Variants in ARHGAP6 observed in about 807,000 individuals in gnomAD.
ARHGAP6 encodes the protein Rho GTPase activating protein 6.
A neutral mutation model predicts 55.7 loss-of-function variants in ARHGAP6; 16 were observed. The ratio of observed to expected loss-of-function variants is 0.29; its 90% confidence interval spans 0.19 to 0.44. The LOEUF (loss-of-function observed/expected upper bound fraction) is 0.44, where lower values mean the gene tolerates loss of function less well. Ranked by LOEUF, ARHGAP6 falls within the 20% of genes least tolerant of loss-of-function variation. The probability of loss-of-function intolerance (pLI) is 1.00; values close to 1 mark genes in which losing one functional copy is unlikely to be tolerated. For missense variants in ARHGAP6, 698 were observed against 808.9 expected, an observed-to-expected ratio of 0.86 and a Z score of 1.66; for synonymous variants, 382 against 360.9, an observed-to-expected ratio of 1.06 and a Z score of -0.66.
intron 12 of ARHGAP6, among the ~76,000 whole-genome samples, chrX:11,141,429 G>A (rs979051632): frequency 8.9e-6 from 1 of 112,043 alleles, no homozygotes; most frequent in Non-Finnish European, 1.9e-5. Flanking sequence ...ATTATATAAA[G>A]AGTTCATAAG....
intron 1 of ARHGAP6, among the ~76,000 whole-genome samples, chrX:11,420,619 T>C (rs964170664): frequency 1.8e-5 from 2 of 111,675 alleles, no homozygotes; most frequent in Non-Finnish European, 3.8e-5. Flanking sequence ...CCTGATGTGA[T>C]TGAGAGAGAA....
chrX:11,358,747 G>C (rs1369387276), intron 1 of ARHGAP6, among the ~76,000 whole-genome samples: 2 of 111,418 alleles, frequency 1.8e-5, no homozygotes, highest in Non-Finnish European at 3.8e-5. Flanking sequence ...CACCCAAAGT[G>C]CTGGGATTAC....
intron 1 of ARHGAP6, among the ~76,000 whole-genome samples, chrX:11,301,893 C>T (rs948781164): frequency 8.9e-6 from 1 of 112,057 alleles, no homozygotes; most frequent in Non-Finnish European, 1.9e-5. Flanking sequence ...GGCAAATATC[C>T]TTGGCTAGCT....
At chrX:11,188,586 A>G in intron 4 of ARHGAP6, 142 bp downstream of exon 4, 1 of 908,520 alleles carries the variant, frequency 1.1e-6, no homozygotes, top group South Asian at 2.5e-5. Flanking sequence ...TGCCCAGTGC[A>G]CATTCTTCAT....
chrX:11,295,831 G>C (rs1039945941), intron 1 of ARHGAP6, among the ~76,000 whole-genome samples: 1 of 111,744 alleles, frequency 8.9e-6, no homozygotes. Context: ...CATGAAATGT[G>C]AGCATTTTTA....
intron 11 of ARHGAP6, chrX:11,143,738 C>G: frequency 9.0e-7 from 1 of 1,114,735 alleles, no homozygotes; most frequent in Non-Finnish European, 1.2e-6. Context: ...CGTTTATTTC[C>G]CAGATATCTG....
chrX:11,475,434 C>T (rs2050393254), intron 1 of ARHGAP6, among the ~76,000 whole-genome samples: 1 of 110,444 alleles, frequency 9.1e-6, no homozygotes, highest in South Asian at 3.8e-4. Context: ...TTTGCACCTC[C>T]AGCAGCATAT....
At chrX:11,191,563 C>T (rs1056335823) in intron 3 of ARHGAP6, among the ~76,000 whole-genome samples, 2 of 111,599 alleles carry the variant, frequency 1.8e-5, no homozygotes, top group South Asian at 7.6e-4. Context: ...AAACAACCTT[C>T]GACCCACTCT....
chrX:11,537,328 G>A (rs1255396714), intron 1 of ARHGAP6, among the ~76,000 whole-genome samples: 3 of 111,777 alleles, frequency 2.7e-5, no homozygotes, highest in African/African-American at 9.8e-5. Context: ...GGTATCAAGT[G>A]GGCAGAGACC....
chrX:11,176,300 C>CATAT (rs59647126), intron 8 of ARHGAP6, among the ~76,000 whole-genome samples: 252 of 15,555 alleles, frequency 0.016, 13 homozygotes, highest in Non-Finnish European at 0.025. Flanking sequence ...TATTTGCATG[C>CATAT]ATATATATAT....
intron 1 of ARHGAP6, among the ~76,000 whole-genome samples, chrX:11,354,273 C>A: frequency 1.3e-5 from 1 of 78,345 alleles, no homozygotes; most frequent in South Asian, 9.1e-4. Flanking sequence ...AGAGCTCTCT[C>A]TCTCTCTCTC....
chrX:11,143,798 G>A, intron 11 of ARHGAP6, 182 bp downstream of exon 11: 2 of 1,151,105 alleles, frequency 1.7e-6, no homozygotes, highest in Non-Finnish European at 2.3e-6. Context: ...GACTGGGCTC[G>A]CCATACCTTC....
At chrX:11,567,101 G>T (rs2051450651) in intron 1 of ARHGAP6, among the ~76,000 whole-genome samples, 1 of 111,786 alleles carries the variant, frequency 8.9e-6, no homozygotes, top group Non-Finnish European at 1.9e-5. Context: ...TGACAACACC[G>T]ATCAACAGCA....
rs1284794221 is a variant in ARHGAP6 at position 11,182,217 on chromosome X, T to C, written c.1274-99A>G. On this transcript the variant is annotated intron_variant, in intron 5 of 12. Transcript: ENST00000337414. Reference sequence around the variant, plus strand: ...AGAATGCCAGCACAGTGCCGTAACATGTAGAGCAATAGTAACTTGACAGCA... The same window carrying C: ...AGAATGCCAGCACAGTGCCGTAACACGTAGAGCAATAGTAACTTGACAGCA... 4.9e-6 allele frequency: 3 copies of C among 614,471 alleles called. No homozygotes were observed. In the African/African-American group the frequency reaches 6.8e-5, roughly 14 times the overall value. The allele number at this position is 614,471 out of a possible 1,213,427, so 50.6% of individuals were successfully genotyped here.
intron 2 of ARHGAP6, among the ~76,000 whole-genome samples, chrX:11,225,096 T>C (rs2047028191): frequency 9.0e-6 from 1 of 111,244 alleles, no homozygotes; most frequent in South Asian, 3.8e-4. Context: ...ATCTCACCCA[T>C]GGTTGCTCTT....
intron 1 of ARHGAP6, among the ~76,000 whole-genome samples, chrX:11,366,487 G>C (rs1304768189): frequency 8.9e-6 from 1 of 112,025 alleles, no homozygotes; most frequent in Admixed American, 9.5e-5. Flanking sequence ...TAGATAGAGA[G>C]ATAGCAGAAA....
chrX:11,362,067 C>G (rs960593232), intron 1 of ARHGAP6, among the ~76,000 whole-genome samples: 19 of 112,005 alleles, frequency 1.7e-4, no homozygotes, highest in Admixed American at 1.3e-3. Context: ...GGACTGCAAA[C>G]TAGTTCAACC....
intron 1 of ARHGAP6, among the ~76,000 whole-genome samples, chrX:11,561,993 G>GGCCCC (rs2051389254): frequency 8.9e-6 from 1 of 112,182 alleles, no homozygotes; most frequent in African/African-American, 3.2e-5. Context: ...GATACAGCAT[G>GGCCCC]TCCTTTGGGA....
At chrX:11,662,765 C>T (rs757253559) in intron 1 of ARHGAP6, among the ~76,000 whole-genome samples, 12 of 112,432 alleles carry the variant, frequency 1.1e-4, no homozygotes, top group African/African-American at 2.3e-4. Context: ...GTTTTAAGCA[C>T]GAATGTTAGC....
Sources: allele counts gnomAD v4.1 joint callset (sites outside exome capture counted in the v4.1 genomes callset), GRCh38; gene constraint gnomAD v4.1.1; transcripts MANE v1.5; gene names NCBI Gene and HGNC (gene_info 2026-07-23, HGNC 2026-07-21).